The following DNAH7 variants were observed in gnomAD, a reference collection of about 807,000 sequenced individuals.
DNAH7 encodes the protein axonemal beta dynein heavy chain 7.
A neutral mutation model predicts 444.6 loss-of-function variants in DNAH7; 397 were observed. That is an observed-to-expected ratio of 0.89 (90% CI 0.82 to 0.97). DNAH7 has a LOEUF of 0.97. DNAH7 is among the 50% of genes least tolerant of loss of function. DNAH7 has a pLI of 0.00. For synonymous variants in DNAH7, 1,636 were observed against 1,624.4 expected, an observed-to-expected ratio of 1.01 and a Z score of -0.17; for missense variants, 4,902 against 4,800.8, an observed-to-expected ratio of 1.02 and a Z score of -0.62.
chr2:195,767,188 G>A (rs1225719095), intron 61 of DNAH7, among the ~76,000 whole-genome samples: 2 of 151,944 alleles, frequency 1.3e-5, no homozygotes, highest in Non-Finnish European at 2.9e-5. Flanking sequence ...TTTAAGCTGT[G>A]AGTTATTAAG....
rs1559089639 is a variant in DNAH7, at chr2:195,778,636, ATAAAT to A, written c.10879-656_10879-652del. On this transcript the variant is annotated intron_variant, in intron 58 of 64. Coordinates refer to ENST00000312428, the MANE Select transcript of DNAH7 (RefSeq NM_018897.3). ...CCTGTCTGAAAAAAAAAAAAAATAA[ATAAAT>A]AAATATATATATATATATATATATA... Among the ~76,000 whole-genome samples, 20 of 63,124 alleles carry A rather than the reference ATAAAT, an allele frequency of 3.2e-4. 1 individual carries two copies. Among genetic ancestry groups the A allele is most frequent in the East Asian group, 1.1e-3 (2 of 1,900 alleles). 41.4% of individuals were successfully genotyped at this position (63,124 alleles called of 152,430 possible). A position where few individuals can be genotyped will look rare whatever the true frequency, so the allele number is the denominator to read the frequency against.
At chr2:195,786,930 A>C in intron 58 of DNAH7, 80 bp downstream of exon 58, 3 of 1,388,246 alleles carry the variant, frequency 2.2e-6, no homozygotes, top group Non-Finnish European at 1.9e-6. Flanking sequence ...AATTAATCAG[A>C]AGTGCCCACT....
At chr2:195,844,614 T>C (rs1208827876) in intron 47 of DNAH7, among the ~76,000 whole-genome samples, 1 of 152,188 alleles carries the variant, frequency 6.6e-6, no homozygotes, top group Non-Finnish European at 1.5e-5. Flanking sequence ...CACTAGGGAC[T>C]AAGACGGAAT....
intron 49 of DNAH7, among the ~76,000 whole-genome samples, chr2:195,818,769 A>C (rs1033971745): frequency 1.4e-4 from 21 of 152,130 alleles, no homozygotes; most frequent in African/African-American, 4.8e-4. Context: ...TGAACCCGTA[A>C]GTCAATAAAC....
Position 195,888,389 on chromosome 2 carries a change from A to T in DNAH7, c.5275T>A (p.Trp1759Arg), listed in dbSNP as rs769317401. The T allele has an allele frequency of 6.2e-7, 1 of 1,604,112 alleles. No homozygotes were observed. The highest frequency in any genetic ancestry group is 8.5e-7 in the Non-Finnish European group (1 of 1,177,392). Residue 1759 changes from tryptophan to arginine, a missense_variant, in exon 33 of 65, where the codon TGG becomes AGG. Coordinates refer to ENST00000312428, the MANE Select transcript of DNAH7 (RefSeq NM_018897.3). ...ACCCAGGACAACATCAGTGGTCTCC[A>T]GCCTAACATGTGAGGCTCCATGTAA... ...MIYMEPHMLG[W>R]RPLMLSWVNL...
Position 195,861,700 on chromosome 2 carries a change from T to C in DNAH7, c.7736+17A>G, listed in dbSNP as rs760413565. 1.7e-5 allele frequency: 26 copies of C among 1,571,384 alleles called. No individual in the cohort carries two copies. The highest frequency in any genetic ancestry group is 1.7e-6 in the Non-Finnish European group (2 of 1,145,972). On this transcript the variant is annotated intron_variant, in intron 42 of 64. Transcript: ENST00000312428. The stretch of plus-strand genomic sequence containing the variant: ...AATTGCCATAGCTTACTTAGAAATA[T>C]GAAATTTGATTTTTACCTTCTTTTC...
At chr2:195,852,230 T>G (rs971069986) in intron 46 of DNAH7, among the ~76,000 whole-genome samples, 1 of 151,854 alleles carries the variant, frequency 6.6e-6, no homozygotes, top group African/African-American at 2.4e-5. Context: ...TGCACTCCAG[T>G]CTGGGCGACA....
At position 195,894,956 on chromosome 2, in the gene DNAH7, T is replaced by A; in HGVS notation, c.4896+20A>T. On this transcript the variant is annotated intron_variant, in intron 30 of 64. Coordinates refer to ENST00000312428, the MANE Select transcript of DNAH7 (RefSeq NM_018897.3). ...ACAAAGTCAATTATAAATAAATTAA[T>A]GCATTAATAATATACTTGCCTTTTC... 1 of 1,563,344 alleles carries A rather than the reference T, an allele frequency of 6.4e-7. No homozygotes were observed. The highest frequency in any genetic ancestry group is 8.7e-7 in the Non-Finnish European group (1 of 1,150,622).
In DNAH7 at chr2:196,068,778, G is replaced by T. The variant is rs536564881; in HGVS notation, c.-67C>A. The stretch of plus-strand genomic sequence containing the variant: ...CTCCTGCCCGCGGAACCCCTAGGAC[G>T]ATAGAGGCAGGGCCCCGGGACTTGC... On this transcript the variant is annotated 5_prime_UTR_variant, in exon 1 of 65. Transcript: ENST00000312428. 6.5e-7 allele frequency: 1 copy of T among 1,540,222 alleles called. No homozygotes were observed. Among genetic ancestry groups the T allele is most frequent in the Non-Finnish European group, 8.8e-7 (1 of 1,140,910 alleles).
At chr2:195,941,376 TG>T (rs1253063076) in intron 19 of DNAH7, among the ~76,000 whole-genome samples, 1 of 137,198 alleles carries the variant, frequency 7.3e-6, no homozygotes, top group Non-Finnish European at 1.5e-5. Context: ...TGTCGGGGGT[TG>T]GGGGGCAAGA....
In DNAH7 at chr2:195,907,117, A is replaced by C. The variant is rs1168184843; in HGVS notation, c.4105-108T>G. The C allele has an allele frequency of 8.8e-6, 7 of 799,152 alleles. No homozygotes were observed. The Admixed American group carries it at 1.8e-4, about 21-fold the overall frequency. 49.5% of individuals were successfully genotyped at this position (799,152 alleles called of 1,614,324 possible). ...CAAGGATTTAATATCCTGTCAAAGAAATTGCTTATTCGCCTTTATCTTTAA... is the reference window on the plus strand; with the variant it reads ...CAAGGATTTAATATCCTGTCAAAGACATTGCTTATTCGCCTTTATCTTTAA... On this transcript the variant is annotated intron_variant, in intron 25 of 64. Transcript: ENST00000312428.
At chr2:196,023,965 CACA>C (rs1364544905) in intron 8 of DNAH7, among the ~76,000 whole-genome samples, 1 of 152,130 alleles carries the variant, frequency 6.6e-6, no homozygotes, top group Non-Finnish European at 1.5e-5. Context: ...TCAGAACACA[CACA>C]ACATTTATTG....
At chr2:195,750,474 A>G (rs1476235777) in intron 63 of DNAH7, among the ~76,000 whole-genome samples, 1 of 152,164 alleles carries the variant, frequency 6.6e-6, no homozygotes. Flanking sequence ...AAAGAACTAG[A>G]AAAAAATTCA....
At chr2:195,948,117 C>T (rs987008515) in intron 19 of DNAH7, among the ~76,000 whole-genome samples, 21 of 152,110 alleles carry the variant, frequency 1.4e-4, no homozygotes, top group African/African-American at 5.1e-4. Flanking sequence ...TGTTCACATG[C>T]CTTGCCCACT....
At chr2:195,764,393 A>C (rs894711836) in intron 61 of DNAH7, among the ~76,000 whole-genome samples, 2 of 152,304 alleles carry the variant, frequency 1.3e-5, no homozygotes, top group Non-Finnish European at 2.9e-5. Flanking sequence ...AGTTGGAGCA[A>C]TCAGACAAGA....
At chr2:195,845,199 G>C (rs1329879425) in intron 46 of DNAH7, 34 bp from the exon 47 acceptor site, 2 of 1,552,230 alleles carry the variant, frequency 1.3e-6, no homozygotes, top group Non-Finnish European at 8.7e-7. Context: ...AAAGAAATGA[G>C]ACTGGAGGTT....
intron 1 of DNAH7, among the ~76,000 whole-genome samples, chr2:196,060,041 C>T (rs1006440070): frequency 6.6e-5 from 10 of 152,034 alleles, no homozygotes; most frequent in African/African-American, 2.2e-4. Flanking sequence ...CGGTGAAACC[C>T]CGTCCGTACT....
rs536087724 is a variant in DNAH7 at position 195,754,403 on chromosome 2, T to C, written c.11698A>G (p.Ile3900Val). The stretch of plus-strand genomic sequence containing the variant: ...TCATAGTCAAACCCAAGAAGATCAA[T>C]AGGAATTGTGTATTTCCTGGCGTAG... ...QNYARKYTIP[I>V]DLLGFDYEVM... Residue 3900 changes from isoleucine to valine, a missense_variant, in exon 63 of 65, where the codon ATT (isoleucine) becomes GTT (valine). Transcript: ENST00000312428. 2.4e-5 allele frequency: 39 copies of C among 1,614,018 alleles called. No individual in the cohort carries two copies. The South Asian group carries it at 4.2e-4, about 17-fold the overall frequency.
At chr2:196,012,445 G>C (rs759859653) in intron 10 of DNAH7, among the ~76,000 whole-genome samples, 5 of 152,078 alleles carry the variant, frequency 3.3e-5, no homozygotes, top group Non-Finnish European at 5.9e-5. Flanking sequence ...GGGAGGTACA[G>C]AGCCTAGCAT....
Sources: gnomAD v4.1 joint callset for allele counts (sites outside exome capture counted in the v4.1 genomes callset) on GRCh38, gnomAD v4.1.1 for gene constraint, MANE v1.5 for transcripts, NCBI Gene and HGNC (gene_info 2026-07-23, HGNC 2026-07-21) for gene names.